Variants in ARMC3 observed in about 807,000 individuals in gnomAD.
ARMC3 encodes the protein armadillo repeat-containing protein 3.
A neutral mutation model predicts 90.3 loss-of-function variants in ARMC3; 74 were observed. That is an observed-to-expected ratio of 0.82 (90% CI 0.68 to 0.99). The LOEUF is 0.99. Among genes scored for constraint, ARMC3 ranks in the 50% least tolerant of loss-of-function variants. The pLI is 0.00. For synonymous variants in ARMC3, 334 were observed against 361.8 expected, an observed-to-expected ratio of 0.92 and a Z score of 0.87; for missense variants, 958 against 1,042.8, an observed-to-expected ratio of 0.92 and a Z score of 1.12.
At chr10:22,943,508 A>C (rs552665700) in intron 2 of ARMC3, among the ~76,000 whole-genome samples, 1 of 152,258 alleles carries the variant, frequency 6.6e-6, no homozygotes, top group East Asian at 1.9e-4. Context: ...ATAGCTGGGC[A>C]ACATTCCTCT....
chr10:23,003,014 CA>C (rs1460509070), intron 12 of ARMC3, among the ~76,000 whole-genome samples: 1 of 152,138 alleles, frequency 6.6e-6, no homozygotes, highest in Non-Finnish European at 1.5e-5. Context: ...CTTTTTCCCC[CA>C]AAAGCATCCT....
intron 10 of ARMC3, among the ~76,000 whole-genome samples, chr10:22,984,437 C>CT (rs1836319087): frequency 6.6e-6 from 1 of 151,966 alleles, no homozygotes; most frequent in Admixed American, 6.6e-5. Context: ...TGTGGTAACG[C>CT]TTTTTGTAAA....
chr10:23,035,260 T>G (rs1299021503), intron 18 of ARMC3, among the ~76,000 whole-genome samples: 1 of 152,140 alleles, frequency 6.6e-6, no homozygotes, highest in African/African-American at 2.4e-5. Context: ...GGGTCTACCC[T>G]CATGACCTCA....
chr10:23,007,052 T>A, intron 14 of ARMC3, 71 bp downstream of exon 14: 1 of 1,260,386 alleles, frequency 7.9e-7, no homozygotes, highest in Non-Finnish European at 1.1e-6. Flanking sequence ...TCCACCAACG[T>A]GTGAATATGC....
At chr10:23,035,005 A>C (rs952122490) in intron 18 of ARMC3, among the ~76,000 whole-genome samples, 2 of 152,234 alleles carry the variant, frequency 1.3e-5, no homozygotes, top group African/African-American at 4.8e-5. Context: ...CTGCTATAAC[A>C]AAATACCATA....
intron 8 of ARMC3, among the ~76,000 whole-genome samples, chr10:22,979,037 G>A (rs1181524876): frequency 6.6e-6 from 1 of 152,210 alleles, no homozygotes; most frequent in Non-Finnish European, 1.5e-5. Context: ...GGAGGAAGGT[G>A]TTAATTACCA....
chr10:23,007,016 C>T (rs1457917123), intron 14 of ARMC3, 35 bp downstream of exon 14: 1 of 1,489,462 alleles, frequency 6.7e-7, no homozygotes, highest in Non-Finnish European at 9.1e-7. Flanking sequence ...TGAAGGGAAG[C>T]ACATACTGCT....
intron 7 of ARMC3, 32 bp from the exon 8 acceptor site, chr10:22,968,274 C>T: frequency 6.3e-7 from 1 of 1,593,008 alleles, no homozygotes; most frequent in Non-Finnish European, 8.6e-7. Flanking sequence ...TTTAGTACAA[C>T]TTTCTAAAGT....
At chr10:22,952,949 G>A (rs1469179541) in intron 3 of ARMC3, among the ~76,000 whole-genome samples, 1 of 152,174 alleles carries the variant, frequency 6.6e-6, no homozygotes, top group East Asian at 1.9e-4. Context: ...AGAATCCCTG[G>A]AAGCTATGAA....
chr10:22,999,231 G>C (rs1410175738), intron 11 of ARMC3, among the ~76,000 whole-genome samples: 6 of 152,030 alleles, frequency 3.9e-5, no homozygotes, highest in Non-Finnish European at 8.8e-5. Context: ...ATAATTTATG[G>C]TGATCCTATT....
intron 8 of ARMC3, among the ~76,000 whole-genome samples, chr10:22,975,458 G>A (rs554268546): frequency 1.4e-4 from 22 of 152,094 alleles, no homozygotes; most frequent in Admixed American, 3.9e-4. Context: ...CCAGCTACTC[G>A]GGAGGCTGAG....
At chr10:22,971,704 G>A (rs1252293062) in intron 8 of ARMC3, among the ~76,000 whole-genome samples, 1 of 152,068 alleles carries the variant, frequency 6.6e-6, no homozygotes, top group Non-Finnish European at 1.5e-5. Context: ...GCCTCTCAAA[G>A]TGCTGGGATT....
intron 1 of ARMC3, among the ~76,000 whole-genome samples, chr10:22,929,252 AAGAGAGAGAGAG>A (rs139581937): frequency 6.7e-6 from 1 of 149,738 alleles, no homozygotes; most frequent in Non-Finnish European, 1.5e-5. Context: ...AAAAAAAGAG[AAGAGAGAGAGAG>A]AGGGAGAGAG....
chr10:22,944,951 A>G (rs988813655), intron 2 of ARMC3, among the ~76,000 whole-genome samples: 8 of 152,226 alleles, frequency 5.3e-5, no homozygotes, highest in Non-Finnish European at 1.0e-4. Context: ...TACGAGCTTT[A>G]AGAACAAACA....
At chr10:23,024,472 A>T (rs893803573) in intron 16 of ARMC3, among the ~76,000 whole-genome samples, 1 of 152,136 alleles carries the variant, frequency 6.6e-6, no homozygotes, top group Non-Finnish European at 1.5e-5. Flanking sequence ...CCTCATGAGT[A>T]TTTTAAGTCA....
intron 18 of ARMC3, among the ~76,000 whole-genome samples, chr10:23,036,382 C>A (rs1326275335): frequency 6.6e-6 from 1 of 152,178 alleles, no homozygotes; most frequent in South Asian, 2.1e-4. Context: ...TTAATATATA[C>A]ATATACAGGG....
chr10:23,030,922 C>T (rs1329011717), intron 17 of ARMC3, 126 bp downstream of exon 17: 8 of 1,016,526 alleles, frequency 7.9e-6, no homozygotes, highest in Non-Finnish European at 1.1e-5. Context: ...CTGACTCTGA[C>T]ACAGAAACAC....
At chr10:22,963,922 CAAAAAAAAAAAAA>C (rs35508443) in intron 7 of ARMC3, among the ~76,000 whole-genome samples, 11 of 58,560 alleles carry the variant, frequency 1.9e-4, no homozygotes, top group East Asian at 1.8e-3. Context: ...CACACACACA[CAAAAAAAAAAAAA>C]AAAAAAAAAA....
chr10:23,031,798 T>C (rs1466595243), intron 17 of ARMC3, among the ~76,000 whole-genome samples: 1 of 152,126 alleles, frequency 6.6e-6, no homozygotes, highest in African/African-American at 2.4e-5. Flanking sequence ...TATGTCCCCA[T>C]GGCTCTGGTT....
Sources: allele counts gnomAD v4.1 joint callset (sites outside exome capture counted in the v4.1 genomes callset), GRCh38; gene constraint gnomAD v4.1.1; transcripts MANE v1.5; gene names NCBI Gene and HGNC (gene_info 2026-07-23, HGNC 2026-07-21).